Variants in GSE1 observed in about 807,000 individuals in gnomAD.
GSE1 encodes Gse1 coiled-coil protein.
In GSE1, 32 loss-of-function variants were observed where a neutral mutation model predicts 112.6. The observed-to-expected ratio is 0.28, with a 90% confidence interval of 0.21 to 0.38. The LOEUF is 0.38. Ranked by LOEUF, GSE1 falls within the 10% of genes least tolerant of loss-of-function variation. The pLI, the probability that GSE1 is intolerant of heterozygous loss-of-function variation, is 1.00. For missense variants in GSE1, 2,348 were observed against 1,699.2 expected (o/e 1.38, Z -6.71); for synonymous variants, 1,115 against 735.6 (o/e 1.52, Z -8.35).
intron 2 of GSE1, among the ~76,000 whole-genome samples, chr16:85,544,934 A>G (rs2044645665): frequency 1.3e-5 from 2 of 152,216 alleles, no homozygotes; most frequent in Non-Finnish European, 2.9e-5. Flanking sequence ...CACGGTGTCC[A>G]CAGATGGTGT....
chr16:85,198,027 C>T (rs2074960928), intron 1 of GSE1, among the ~76,000 whole-genome samples: 1 of 152,156 alleles, frequency 6.6e-6, no homozygotes, highest in Non-Finnish European at 1.5e-5. Context: ...CGAGAGCACC[C>T]CTTGGTTGGG....
At chr16:85,204,671 G>A (rs774274929) in intron 1 of GSE1, among the ~76,000 whole-genome samples, 21 of 152,324 alleles carry the variant, frequency 1.4e-4, no homozygotes, top group African/African-American at 4.3e-4. Context: ...CTTTCTGCCC[G>A]GACAGACTGT....
chr16:85,551,549 C>A (rs541233638), upstream of GSE1, among the ~76,000 whole-genome samples: 14 of 152,252 alleles, frequency 9.2e-5, no homozygotes, highest in Admixed American at 2.6e-4. Flanking sequence ...AATGGAAGGC[C>A]GCCCGGGAGG....
intron 2 of GSE1, among the ~76,000 whole-genome samples, chr16:85,497,318 G>A (rs1309182263): frequency 2.6e-5 from 4 of 152,182 alleles, no homozygotes; most frequent in East Asian, 1.9e-4. Flanking sequence ...TGGGACTCTC[G>A]TGGCAGCAGG....
chr16:85,363,850 C>T (rs1191594472), intron 2 of GSE1, among the ~76,000 whole-genome samples: 1 of 152,142 alleles, frequency 6.6e-6, no homozygotes, highest in Non-Finnish European at 1.5e-5. Context: ...ACACAGCATG[C>T]CCTCCGTCTC....
At chr16:85,555,406 G>T (rs1598163446), upstream of GSE1, 3 of 984,034 alleles carry the variant, frequency 3.0e-6, no homozygotes, top group African/African-American at 3.5e-5. Flanking sequence ...GGGGGGGAGG[G>T]GTGTTGGTGG....
intron 1 of GSE1, among the ~76,000 whole-genome samples, chr16:85,198,420 C>T (rs1341202074): frequency 6.6e-6 from 1 of 152,138 alleles, no homozygotes; most frequent in African/African-American, 2.4e-5. Context: ...GGTGGGGGTG[C>T]CTAGCTGTGG....
At chr16:85,613,785 C>T (rs1598384118) in intron 1 of GSE1, among the ~76,000 whole-genome samples, 3 of 142,608 alleles carry the variant, frequency 2.1e-5, no homozygotes, top group East Asian at 4.2e-4. Flanking sequence ...TTTGCGGCGA[C>T]GCGGGAGGGA....
intron 1 of GSE1, among the ~76,000 whole-genome samples, chr16:85,312,847 G>A (rs2045892206): frequency 6.6e-6 from 1 of 152,008 alleles, no homozygotes; most frequent in Non-Finnish European, 1.5e-5. Flanking sequence ...TCAGAGGGGA[G>A]TAGCTGAAGT....
intron 1 of GSE1, among the ~76,000 whole-genome samples, chr16:85,184,668 C>A (rs1227472449): frequency 6.6e-6 from 1 of 152,204 alleles, no homozygotes; most frequent in Non-Finnish European, 1.5e-5. Context: ...ATTCTCATCT[C>A]ATTTGAAATA....
chr16:85,228,123 CCGA>C (rs2075520287), intron 1 of GSE1, among the ~76,000 whole-genome samples: 1 of 152,166 alleles, frequency 6.6e-6, no homozygotes, highest in South Asian at 2.1e-4. Context: ...GGCAGAGGCC[CCGA>C]GGCAGGAGTG....
At chr16:85,497,957 T>A (rs9921734) in intron 2 of GSE1, among the ~76,000 whole-genome samples, 92,683 of 151,712 alleles carry the variant, frequency 0.61, 28,368 homozygotes, top group East Asian at 0.68. Context: ...CAGAAGTCTG[T>A]CAGCTGGGAG....
intron 2 of GSE1, among the ~76,000 whole-genome samples, chr16:85,485,624 C>G (rs1311400799): frequency 1.3e-5 from 2 of 152,260 alleles, no homozygotes; most frequent in African/African-American, 2.4e-5. Flanking sequence ...CATTAGCACT[C>G]GAGAGCCTTC....
intron 2 of GSE1, among the ~76,000 whole-genome samples, chr16:85,382,294 G>A (rs1047639661): frequency 6.6e-6 from 1 of 152,178 alleles, no homozygotes; most frequent in Non-Finnish European, 1.5e-5. Flanking sequence ...CTTGCAAACC[G>A]TGACTGTGGT....
chr16:85,621,147 C>G (rs916885874), intron 1 of GSE1, among the ~76,000 whole-genome samples: 1 of 151,630 alleles, frequency 6.6e-6, no homozygotes, highest in African/African-American at 2.4e-5. Flanking sequence ...TTGGGGAACC[C>G]GTTTAGATGG....
chr16:85,600,438 C>T (rs975152783), intron 1 of GSE1, among the ~76,000 whole-genome samples: 2 of 151,960 alleles, frequency 1.3e-5, no homozygotes, highest in African/African-American at 4.8e-5. Context: ...GGACCACTGT[C>T]TTTCGTGGGA....
At chr16:85,587,785 C>T (rs545792318) in intron 1 of GSE1, among the ~76,000 whole-genome samples, 5 of 152,256 alleles carry the variant, frequency 3.3e-5, no homozygotes, top group South Asian at 2.1e-4. Flanking sequence ...ACTTTCCTGC[C>T]GGTTGGCAAA....
chr16:85,409,565 C>T (rs113011255), intron 2 of GSE1, among the ~76,000 whole-genome samples: 1,105 of 4,142 alleles, frequency 0.27, 474 homozygotes, highest in East Asian at 1. Context: ...TCACTGTTAC[C>T]CTCAGGCCCC....
At chr16:85,635,459 A>G (rs1442101119) in intron 2 of GSE1, among the ~76,000 whole-genome samples, 3 of 152,140 alleles carry the variant, frequency 2.0e-5, no homozygotes, top group Admixed American at 6.5e-5. Context: ...TGCAGGCAAG[A>G]TGGCTCAGGG....
Sources: allele counts gnomAD v4.1 joint callset (sites outside exome capture counted in the v4.1 genomes callset), GRCh38; gene constraint gnomAD v4.1.1; transcripts MANE v1.5; gene names NCBI Gene and HGNC (gene_info 2026-07-23, HGNC 2026-07-21).